The following SLCO6A1 variants were observed in gnomAD, a reference collection of about 807,000 sequenced individuals.
SLCO6A1 encodes the protein solute carrier organic anion transporter family member 6A1, also known as cancer/testis antigen 48.
In SLCO6A1, 65 loss-of-function variants were observed where a neutral mutation model predicts 72.7. The observed-to-expected ratio is 0.89, with a 90% CI of 0.73 to 1.10. The LOEUF (loss-of-function observed/expected upper bound fraction) is 1.10. Among genes scored for constraint, SLCO6A1 ranks in the 50% least tolerant of loss-of-function variants. SLCO6A1 has a pLI of 0.00. For synonymous variants in SLCO6A1, 314 were observed against 298.2 expected (o/e 1.05, Z -0.55); for missense variants, 874 against 872.6 (o/e 1.00, Z -0.02).
intron 1 of SLCO6A1, among the ~76,000 whole-genome samples, chr5:102,489,148 A>C (rs970233833): frequency 6.6e-6 from 1 of 152,218 alleles, no homozygotes; most frequent in African/African-American, 2.4e-5. Context: ...AGTTCCCAAG[A>C]GCTGCATCAG....
intron 4 of SLCO6A1, among the ~76,000 whole-genome samples, chr5:102,474,384 G>A (rs1323459055): frequency 6.6e-6 from 1 of 152,000 alleles, no homozygotes. Context: ...GCAAAAGAAT[G>A]AAGTTGGAAC....
At chr5:102,395,606 G>A (rs947002665) in intron 10 of SLCO6A1, among the ~76,000 whole-genome samples, 3 of 151,978 alleles carry the variant, frequency 2.0e-5, no homozygotes, top group Non-Finnish European at 4.4e-5. Flanking sequence ...GATCCCTAAG[G>A]AATCGCCACA....
Position 102,498,982 on chromosome 5 carries a change from C to T in SLCO6A1, c.-138G>A. ...CAAGGGGCTCTTGCCGCCCAAGCCT[C>T]CAGAGCGAACGTTTCTCCTAGGGCA... On this transcript the variant is annotated 5_prime_UTR_variant, in exon 1 of 14. Coordinates refer to ENST00000506729, the MANE Select transcript of SLCO6A1 (RefSeq NM_173488.5). 2.5e-6 allele frequency: 2 copies of T among 785,330 alleles called. No individual in the cohort carries two copies. The highest frequency in any genetic ancestry group is 3.4e-5 in the South Asian group (2 of 58,018). The allele number at this position is 785,330 out of a possible 1,614,324, so 48.6% of individuals were successfully genotyped here.
In SLCO6A1 at chr5:102,498,881, G is replaced by C; in HGVS notation, c.-37C>G. On this transcript the variant is annotated 5_prime_UTR_variant, in exon 1 of 14. Coordinates refer to ENST00000506729, the MANE Select transcript of SLCO6A1 (RefSeq NM_173488.5). ...GGCGGCTCCTGGCGACGCGGCCCGA[G>C]TGCTCTCGGCTGCCCGTCCTGCCTG... 1 of 1,563,120 alleles carries C rather than the reference G, an allele frequency of 6.4e-7. No individual in the cohort carries two copies. Among genetic ancestry groups the C allele is most frequent in the Non-Finnish European group, 8.6e-7 (1 of 1,156,232 alleles).
chr5:102,479,734 A>T (rs192969035), intron 2 of SLCO6A1, among the ~76,000 whole-genome samples: 42 of 152,194 alleles, frequency 2.8e-4, no homozygotes, highest in Non-Finnish European at 4.6e-4. Flanking sequence ...CACTCCCTAC[A>T]TGTACTGTTA....
intron 7 of SLCO6A1, among the ~76,000 whole-genome samples, chr5:102,435,269 G>A (rs1223770283): frequency 6.6e-6 from 1 of 152,158 alleles, no homozygotes; most frequent in African/African-American, 2.4e-5. Flanking sequence ...AAGCTTGTGG[G>A]TGGTACTCTG....
intron 9 of SLCO6A1, among the ~76,000 whole-genome samples, chr5:102,406,763 C>A (rs1484143471): frequency 6.6e-6 from 1 of 151,846 alleles, no homozygotes; most frequent in African/African-American, 2.4e-5. Flanking sequence ...AACATTAATA[C>A]TAGAACTAAA....
chr5:102,448,636 C>G (rs1308752677), intron 6 of SLCO6A1, among the ~76,000 whole-genome samples: 1 of 152,000 alleles, frequency 6.6e-6, no homozygotes, highest in Admixed American at 6.6e-5. Context: ...CCCCCTTTGT[C>G]CTTTTTGATT....
At chr5:102,460,384 A>T (rs974487396) in intron 4 of SLCO6A1, among the ~76,000 whole-genome samples, 2 of 151,978 alleles carry the variant, frequency 1.3e-5, no homozygotes, top group African/African-American at 2.4e-5. Context: ...GCCTTTGTTC[A>T]CCATAAAGCC....
chr5:102,393,073 A>G (rs977317256), intron 10 of SLCO6A1, among the ~76,000 whole-genome samples: 9 of 152,028 alleles, frequency 5.9e-5, no homozygotes, highest in African/African-American at 2.2e-4. Flanking sequence ...AATTTTTTTC[A>G]TATCTCTTTT....
Position 102,480,192 on chromosome 5 carries a change from T to C in SLCO6A1, c.601A>G (p.Lys201Glu), listed in dbSNP as rs760421889. Residue 201 changes from lysine to glutamate, a missense_variant, in exon 2 of 14, where the codon AAG becomes GAG. Transcript: ENST00000506729. ...PSINEENKQSKVGIEDICEEI... is the reference protein window; with the variant it reads ...PSINEENKQSEVGIEDICEEI... ...AAAACCTTACCTTCAATTCCTACCT[T>C]ACTTTGTTTATTTTCTTCATTAATG... 31 of 1,608,412 alleles carry C rather than the reference T, an allele frequency of 1.9e-5. No individual in the cohort carries two copies. The highest frequency in any genetic ancestry group is 2.4e-5 in the Non-Finnish European group (28 of 1,176,996).
At chr5:102,414,018 AT>A (rs1309893981) in intron 8 of SLCO6A1, among the ~76,000 whole-genome samples, 2 of 152,062 alleles carry the variant, frequency 1.3e-5, no homozygotes, top group Admixed American at 1.3e-4. Context: ...AGTTTTTCAC[AT>A]TCTATGGCTT....
intron 1 of SLCO6A1, among the ~76,000 whole-genome samples, chr5:102,496,043 G>T (rs1288198038): frequency 6.6e-6 from 1 of 152,218 alleles, no homozygotes; most frequent in East Asian, 1.9e-4. Flanking sequence ...GCAACATCTG[G>T]ATGGGACCAC....
At chr5:102,384,898 AG>A (rs1295526422) in intron 12 of SLCO6A1, among the ~76,000 whole-genome samples, 2 of 152,068 alleles carry the variant, frequency 1.3e-5, no homozygotes, top group Non-Finnish European at 2.9e-5. Flanking sequence ...TCTCTTTTTA[AG>A]CAAAAAAGCA....
At chr5:102,385,277 T>C (rs1429694347) in intron 12 of SLCO6A1, among the ~76,000 whole-genome samples, 1 of 152,194 alleles carries the variant, frequency 6.6e-6, no homozygotes, top group Non-Finnish European at 1.5e-5. Context: ...GTGTTTTCAG[T>C]GAAGACTTCC....
At chr5:102,483,324 G>A (rs1752299232) in intron 1 of SLCO6A1, among the ~76,000 whole-genome samples, 1 of 149,616 alleles carries the variant, frequency 6.7e-6, no homozygotes, top group Non-Finnish European at 1.5e-5. Context: ...TCTTTCCACG[G>A]GGAGAATTTC....
Position 102,459,794 on chromosome 5 carries a change from T to G in SLCO6A1, c.900-17A>C. ...ACTGTAGTGCTTTAATAAAGAAAAG[T>G]GAAAAAAAAAAGCAACTTTAGGTAT... is the stretch of plus-strand genomic sequence containing the variant. On this transcript the variant is annotated splice_polypyrimidine_tract_variant and intron_variant, in intron 4 of 13. Coordinates refer to ENST00000506729, the MANE Select transcript of SLCO6A1 (RefSeq NM_173488.5). The G allele has an allele frequency of 6.5e-7, 1 of 1,538,074 alleles. No individual in the cohort carries two copies. Among genetic ancestry groups the G allele is most frequent in the Non-Finnish European group, 8.7e-7 (1 of 1,150,362 alleles).
At chr5:102,449,512 A>C (rs767668167) in intron 6 of SLCO6A1, among the ~76,000 whole-genome samples, 164 of 151,804 alleles carry the variant, frequency 1.1e-3, no homozygotes, top group Non-Finnish European at 2.0e-3. Flanking sequence ...TAAGCCTCCC[A>C]AGTAGCTGAG....
chr5:102,480,422 C>T lies in SLCO6A1; in HGVS notation c.371G>A (p.Gly124Asp), dbSNP rs1220019442. Reference protein sequence around the residue: ...ILLICQGVVFGLIDVSIGDFQ... With the variant: ...ILLICQGVVFDLIDVSIGDFQ... The stretch of plus-strand genomic sequence containing the variant: ...ATCGCCAATGCTGACATCTATAAGA[C>T]CAAACACCACACCTAAAATGTAAAA... Residue 124 changes from glycine to aspartate, a missense_variant, in exon 2 of 14, where the codon GGT becomes GAT. Coordinates refer to ENST00000506729, the MANE Select transcript of SLCO6A1 (RefSeq NM_173488.5). 2 of 1,609,966 alleles carry T rather than the reference C, an allele frequency of 1.2e-6. No individual in the cohort carries two copies. The highest frequency in any genetic ancestry group is 1.7e-6 in the Non-Finnish European group (2 of 1,178,414).
Sources: gnomAD v4.1 joint callset for allele counts (sites outside exome capture counted in the v4.1 genomes callset) on GRCh38, gnomAD v4.1.1 for gene constraint, MANE v1.5 for transcripts, NCBI Gene and HGNC (gene_info 2026-07-23, HGNC 2026-07-21) for gene names.